Variants in MAML2 observed in about 807,000 individuals in gnomAD.
MAML2 encodes mastermind-like protein 2.
MAML2 carries 22 observed loss-of-function variants against 96.1 expected under a neutral mutation model. That is an observed-to-expected ratio of 0.23 (90% CI 0.16 to 0.33). The LOEUF is 0.33. Among genes scored for constraint, MAML2 ranks in the 10% least tolerant of loss-of-function variants. The probability of loss-of-function intolerance (pLI) is 1.00; values close to 1 mark genes in which losing one functional copy is unlikely to be tolerated. For synonymous variants in MAML2, 561 were observed against 521.3 expected (o/e 1.08, Z -1.04); for missense variants, 1,367 against 1,392.4 (o/e 0.98, Z 0.29).
At chr11:96,246,845 T>C (rs1167072850) in intron 1 of MAML2, among the ~76,000 whole-genome samples, 1 of 152,228 alleles carries the variant, frequency 6.6e-6, no homozygotes, top group South Asian at 2.1e-4. Flanking sequence ...CATTTGTCAA[T>C]TACGAATGGA....
intron 2 of MAML2, among the ~76,000 whole-genome samples, chr11:96,076,978 C>T (rs1859450350): frequency 6.6e-6 from 1 of 151,992 alleles, no homozygotes; most frequent in African/African-American, 2.4e-5. Flanking sequence ...AAATTGGGCC[C>T]TCCAACCCTT....
chr11:96,300,203 T>G (rs1863367148), intron 1 of MAML2, among the ~76,000 whole-genome samples: 1 of 152,044 alleles, frequency 6.6e-6, no homozygotes, highest in South Asian at 2.1e-4. Context: ...TCAGTGGAGC[T>G]TATGTGAATG....
chr11:96,274,614 TTTAG>T (rs1489466621), intron 1 of MAML2, among the ~76,000 whole-genome samples: 6 of 147,858 alleles, frequency 4.1e-5, no homozygotes, highest in African/African-American at 1.5e-4. Context: ...TAATTATAGG[TTTAG>T]TTAAACCTAT....
At position 96,317,910 on chromosome 11, in the gene MAML2, G is replaced by A. The variant is rs1010826634; in HGVS notation, c.513+23473C>T. ...AGGTGGCTATTGAAAGTGCTTTTAC[G>A]TATCTAAATGGTAAACTCCTGAGGA... On this transcript the variant is annotated intron_variant, in intron 1 of 4. Coordinates refer to ENST00000524717, the MANE Select transcript of MAML2 (RefSeq NM_032427.4). 4.5e-4 allele frequency among the ~76,000 whole-genome samples: 69 copies of A among 152,344 alleles called. 1 individual carries two copies. The highest frequency in any genetic ancestry group is 1.5e-3 in the African/African-American group (61 of 41,580).
chr11:96,195,659 C>T (rs1393881370), intron 1 of MAML2, among the ~76,000 whole-genome samples: 1 of 152,150 alleles, frequency 6.6e-6, no homozygotes, highest in East Asian at 1.9e-4. Flanking sequence ...GTGAAACTTG[C>T]ACCAGGTAAC....
At chr11:96,264,298 A>AC (rs1862795137) in intron 1 of MAML2, among the ~76,000 whole-genome samples, 1 of 151,872 alleles carries the variant, frequency 6.6e-6, no homozygotes, top group African/African-American at 2.4e-5. Context: ...TAAGGCCCAG[A>AC]CCCCCATTCA....
intron 1 of MAML2, among the ~76,000 whole-genome samples, chr11:96,256,135 A>C (rs951605470): frequency 6.6e-6 from 1 of 151,728 alleles, no homozygotes; most frequent in African/African-American, 2.4e-5. Context: ...CGGCCTCCCA[A>C]AGTAGTGGGA....
chr11:96,166,177 T>TCTCTCTCACACACACACA (rs530578845), intron 1 of MAML2, among the ~76,000 whole-genome samples: 44 of 110,378 alleles, frequency 4.0e-4, no homozygotes, highest in South Asian at 9.8e-4. Flanking sequence ...TCTCTCTCTC[T>TCTCTCTCACACACACACA]CACACACACA....
chr11:96,160,747 G>A (rs753749681), intron 1 of MAML2, among the ~76,000 whole-genome samples: 2 of 152,140 alleles, frequency 1.3e-5, no homozygotes, highest in African/African-American at 4.8e-5. Context: ...GATTTTTAAA[G>A]TAGGGACTAA....
In MAML2 at chr11:96,341,442, C is replaced by T. The variant is rs902678649; in HGVS notation, c.454G>A (p.Gly152Arg). ...GTTGAAGCGGGCGGCTGCTGCTCTC[C>T]GTTTATCCCACCACTGCCACCATTA... ...SNNGGSGGINGEQQPPASTPG... is the reference protein window; with the variant it reads ...SNNGGSGGINREQQPPASTPG... Residue 152 changes from glycine to arginine, a missense_variant, in exon 1 of 5, where the codon GGA (glycine) becomes AGA (arginine). Gly to Arg is a moderately radical substitution (Grantham distance 125). Coordinates refer to ENST00000524717, the MANE Select transcript of MAML2 (RefSeq NM_032427.4). The T allele has an allele frequency of 9.0e-6, 14 of 1,550,346 alleles. No homozygotes were observed. Among genetic ancestry groups the T allele is most frequent in the Non-Finnish European group, 1.1e-5 (13 of 1,146,296 alleles).
Position 95,977,329 on chromosome 11 carries a change from A to C in MAML2, c.*1619T>G, listed in dbSNP as rs7130522. ...ACAAGTAATTTATTTATATTTACAA[A>C]CTAGCACAGGGAAGATTCTGGGCCA... On this transcript the variant is annotated 3_prime_UTR_variant, in exon 5 of 5. Transcript: ENST00000524717. 71,081 of 186,500 alleles carry C rather than the reference A, an allele frequency of 0.38. 14,765 individuals carry two copies. The highest frequency in any genetic ancestry group is 0.54 in the African/African-American group (22,900 of 42,704). 11.6% of individuals were successfully genotyped at this position (186,500 alleles called of 1,614,324 possible).
intron 4 of MAML2, 134 bp from the exon 5 acceptor site, chr11:95,980,097 A>T (rs1415146938): frequency 1.4e-6 from 1 of 705,788 alleles, no homozygotes; most frequent in Non-Finnish European, 2.3e-6. Flanking sequence ...GATCAAATAA[A>T]TTATATAAAA....
intron 2 of MAML2, among the ~76,000 whole-genome samples, chr11:96,085,699 G>A (rs1014002064): frequency 1.3e-5 from 2 of 152,144 alleles, no homozygotes; most frequent in Non-Finnish European, 1.5e-5. Context: ...TAAATGCACA[G>A]CTCTTATTGA....
chr11:96,260,476 C>T (rs971008604), intron 1 of MAML2, among the ~76,000 whole-genome samples: 4 of 152,246 alleles, frequency 2.6e-5, no homozygotes, highest in Middle Eastern at 3.4e-3. Context: ...AGCATAGTTC[C>T]GGCCAATAAG....
chr11:96,016,868 A>G (rs1858361217), intron 2 of MAML2, among the ~76,000 whole-genome samples: 1 of 152,228 alleles, frequency 6.6e-6, no homozygotes, highest in Non-Finnish European at 1.5e-5. Flanking sequence ...CAGAAACTCT[A>G]TAGAAAAGAT....
At chr11:96,334,257 G>A (rs1468540911) in intron 1 of MAML2, among the ~76,000 whole-genome samples, 1 of 152,156 alleles carries the variant, frequency 6.6e-6, no homozygotes, top group Non-Finnish European at 1.5e-5. Flanking sequence ...TTCTGGGCTG[G>A]GAAACCTATG....
intron 3 of MAML2, among the ~76,000 whole-genome samples, chr11:95,986,872 T>C (rs1265456283): frequency 6.6e-6 from 1 of 152,126 alleles, no homozygotes; most frequent in Non-Finnish European, 1.5e-5. Flanking sequence ...ATCTTTAGAA[T>C]AGGTGACTTT....
chr11:96,104,398 C>T (rs1386932781), intron 1 of MAML2, among the ~76,000 whole-genome samples: 1 of 152,150 alleles, frequency 6.6e-6, no homozygotes, highest in Non-Finnish European at 1.5e-5. Flanking sequence ...ATGTCTGTGC[C>T]AATTTTTCTA....
intron 1 of MAML2, among the ~76,000 whole-genome samples, chr11:96,138,372 T>C (rs1860671156): frequency 1.3e-5 from 2 of 152,214 alleles, no homozygotes; most frequent in Admixed American, 1.3e-4. Flanking sequence ...GATCTTTGTA[T>C]AGCTCCTAAC....
Sources: gnomAD v4.1 joint callset for allele counts (sites outside exome capture counted in the v4.1 genomes callset) on GRCh38, gnomAD v4.1.1 for gene constraint, MANE v1.5 for transcripts, NCBI Gene and HGNC (gene_info 2026-07-23, HGNC 2026-07-21) for gene names.